Variants in IGDCC3 observed in about 807,000 individuals in gnomAD.
IGDCC3 encodes the protein immunoglobulin superfamily DCC subclass member 3.
IGDCC3 carries 47 observed loss-of-function variants against 72.0 expected under a neutral mutation model. The ratio of observed to expected loss-of-function variants is 0.65; its 90% CI spans 0.52 to 0.83. IGDCC3 has a LOEUF of 0.83. Ranked by LOEUF, IGDCC3 falls within the 40% of genes least tolerant of loss-of-function variation. The probability of loss-of-function intolerance (pLI) is 0.00; values close to 1 mark genes in which losing one functional copy is unlikely to be tolerated. For missense variants in IGDCC3, 1,038 were observed against 1,091.3 expected, an observed-to-expected ratio of 0.95 and a Z score of 0.69; for synonymous variants, 477 against 472.8, an observed-to-expected ratio of 1.01 and a Z score of -0.11.
intron 2 of IGDCC3, among the ~76,000 whole-genome samples, chr15:65,366,200 A>G (rs1229595139): frequency 8.0e-6 from 1 of 124,986 alleles, no homozygotes; most frequent in East Asian, 2.5e-4. Context: ...AGAGACAGAC[A>G]TTGTCTCAAA....
chr15:65,337,441 G>T (rs536059642), intron 2 of IGDCC3, among the ~76,000 whole-genome samples: 1 of 152,194 alleles, frequency 6.6e-6, no homozygotes, highest in African/African-American at 2.4e-5. Context: ...CTGGTTCTGT[G>T]CAGGTAATCA....
In IGDCC3 at chr15:65,339,554, G is replaced by A. The variant is rs573058509; in HGVS notation, c.410-3598C>T. Reference sequence around the variant, plus strand: ...TGTGTTTATGCCCTGGCTTGTGCCAGCAGGCCACAGAGCCGGGTGGACTGT... The same window carrying A: ...TGTGTTTATGCCCTGGCTTGTGCCAACAGGCCACAGAGCCGGGTGGACTGT... On this transcript the variant is annotated intron_variant, in intron 2 of 13. Coordinates refer to ENST00000327987, the MANE Select transcript of IGDCC3 (RefSeq NM_004884.4). The surrounding 1 kb of genome is among the most constrained non-coding windows in gnomAD (Gnocchi z 4.1). Among the ~76,000 whole-genome samples, 22 of 152,242 alleles carry A rather than the reference G, an allele frequency of 1.4e-4. No homozygotes were observed. The highest frequency in any genetic ancestry group is 2.5e-4 in the Non-Finnish European group (17 of 68,042).
At chr15:65,336,481 C>T (rs573919444) in intron 2 of IGDCC3, among the ~76,000 whole-genome samples, 3 of 151,898 alleles carry the variant, frequency 2.0e-5, no homozygotes, top group African/African-American at 7.2e-5. Flanking sequence ...GGACACTGGT[C>T]ATCAGGCCCT....
chr15:65,348,814 T>C (rs2091148412), intron 2 of IGDCC3, among the ~76,000 whole-genome samples: 1 of 152,214 alleles, frequency 6.6e-6, no homozygotes, highest in Admixed American at 6.5e-5. Flanking sequence ...CTCTTTGGAT[T>C]AAGCTGCTTT....
chr15:65,367,103 G>A (rs895699275), intron 2 of IGDCC3, among the ~76,000 whole-genome samples: 4 of 152,200 alleles, frequency 2.6e-5, no homozygotes, highest in African/African-American at 9.6e-5. Flanking sequence ...CAGCACTTTG[G>A]GAGGCCGAGG....
intron 1 of IGDCC3, among the ~76,000 whole-genome samples, chr15:65,375,710 A>C (rs2091354961): frequency 6.6e-6 from 1 of 152,218 alleles, no homozygotes. Flanking sequence ...TCTCACAGTC[A>C]GTAGTTGCAA....
chr15:65,377,720 C>T lies in IGDCC3; in HGVS notation c.69G>A (p.Pro23=), dbSNP rs1383286740. Residue 23 remains proline, a synonymous_variant, in exon 1 of 14, where the codon CCG becomes CCA. Transcript: ENST00000327987. The surrounding 1 kb of genome is among the most constrained non-coding windows in gnomAD (Gnocchi z 4.9). Reference sequence around the variant, plus strand: ...GCGCGGGCAGCAGCAGCAACAGCAGCGGCAGCAGGAGCCGGGGCCAGAGCG... The same window carrying T: ...GCGCGGGCAGCAGCAGCAACAGCAGTGGCAGCAGGAGCCGGGGCCAGAGCG... The part of the protein sequence containing the change: ...PAPLWPRLLL[P]LLLLLLPAPS... 2 of 1,381,850 alleles carry T rather than the reference C, an allele frequency of 1.4e-6. No homozygotes were observed. Among genetic ancestry groups the T allele is most frequent in the East Asian group, 3.1e-5 (1 of 32,346 alleles). The allele number at this position is 1,381,850 out of a possible 1,614,324, so 85.6% of individuals were successfully genotyped here.
chr15:65,374,702 C>A (rs988985539), intron 2 of IGDCC3, among the ~76,000 whole-genome samples: 1 of 152,106 alleles, frequency 6.6e-6, no homozygotes, highest in African/African-American at 2.4e-5. Flanking sequence ...GCCGAAATTA[C>A]CCTTCAAGAA....
intron 2 of IGDCC3, among the ~76,000 whole-genome samples, chr15:65,361,650 C>T (rs1173049083): frequency 1.8e-5 from 2 of 110,654 alleles, no homozygotes; most frequent in African/African-American, 7.6e-5. Flanking sequence ...TGAAAGGCCC[C>T]GCGTCCTGGA....
intron 2 of IGDCC3, among the ~76,000 whole-genome samples, chr15:65,346,344 C>T: frequency 6.6e-6 from 1 of 152,214 alleles, no homozygotes; most frequent in East Asian, 1.9e-4. Flanking sequence ...GTAGTCTAGC[C>T]CACTGGGTTG....
chr15:65,368,198 A>ACACACACC (rs2091300893), intron 2 of IGDCC3, among the ~76,000 whole-genome samples: 3 of 128,348 alleles, frequency 2.3e-5, no homozygotes, highest in African/African-American at 8.6e-5. Context: ...ACACACACAC[A>ACACACACC]CCAGCCTGCA....
intron 2 of IGDCC3, among the ~76,000 whole-genome samples, chr15:65,351,443 A>T (rs1265223250): frequency 6.6e-6 from 1 of 151,770 alleles, no homozygotes; most frequent in Non-Finnish European, 1.5e-5. Context: ...CTGAGGCAGG[A>T]GAATGGTGTG....
chr15:65,336,352 C>T (rs557449211), intron 2 of IGDCC3, among the ~76,000 whole-genome samples: 11 of 152,260 alleles, frequency 7.2e-5, no homozygotes, highest in African/African-American at 2.4e-4. Flanking sequence ...CTTTCAGATT[C>T]GTTTTTGTAA....
chr15:65,365,960 C>A (rs2091286326), intron 2 of IGDCC3, among the ~76,000 whole-genome samples: 1 of 152,128 alleles, frequency 6.6e-6, no homozygotes, highest in African/African-American at 2.4e-5. Flanking sequence ...GTAATCCCAG[C>A]ACTTTGGGAG....
Position 65,339,100 on chromosome 15 carries a change from G to A in IGDCC3, c.410-3144C>T, listed in dbSNP as rs1318505394. ...TAATTTCTTTTTTCTTTTTCTTTTT[G>A]AGACGGAATCTTGCTCTGTCACCCA... On this transcript the variant is annotated intron_variant, in intron 2 of 13. Transcript: ENST00000327987. This position sits in a 1 kb window ranked among gnomAD's most constrained non-coding sequence, Gnocchi z 4.1. Among the ~76,000 whole-genome samples the A allele has an allele frequency of 2.6e-5, 4 of 151,726 alleles. No individual in the cohort carries two copies. The highest frequency in any genetic ancestry group is 5.9e-5 in the Non-Finnish European group (4 of 67,928).
At chr15:65,338,170 C>T (rs2091047172) in intron 2 of IGDCC3, among the ~76,000 whole-genome samples, 1 of 152,218 alleles carries the variant, frequency 6.6e-6, no homozygotes, top group South Asian at 2.1e-4. Flanking sequence ...CGTCACTGTG[C>T]ATAGTGCGAC....
At chr15:65,366,667 G>T (rs1280805223) in intron 2 of IGDCC3, among the ~76,000 whole-genome samples, 2 of 152,200 alleles carry the variant, frequency 1.3e-5, no homozygotes, top group Non-Finnish European at 2.9e-5. Flanking sequence ...GCCTGAGTCA[G>T]GTGAGCCAGT....
At chr15:65,376,623 C>T (rs2140176246) in intron 1 of IGDCC3, among the ~76,000 whole-genome samples, 1 of 151,234 alleles carries the variant, frequency 6.6e-6, no homozygotes, top group Non-Finnish European at 1.5e-5. Flanking sequence ...CTCCCCCCGT[C>T]CCCGGCCCAG....
rs1303638622 is a variant in IGDCC3 at position 65,335,285 on chromosome 15, C to G, written c.685+6G>C. On this transcript the variant is annotated splice_donor_region_variant and intron_variant, in intron 4 of 13. Coordinates refer to ENST00000327987, the MANE Select transcript of IGDCC3 (RefSeq NM_004884.4). Reference sequence around the variant, plus strand: ...AGGTTGGGGGAAAGTGCTGAAGGACCCTCACCTGACACAGTGAGCCTGGCC... The same window carrying G: ...AGGTTGGGGGAAAGTGCTGAAGGACGCTCACCTGACACAGTGAGCCTGGCC... 1 of 1,604,864 alleles carries G rather than the reference C, an allele frequency of 6.2e-7. No homozygotes were observed. The highest frequency in any genetic ancestry group is 8.5e-7 in the Non-Finnish European group (1 of 1,175,284).
Sources: gnomAD v4.1 joint callset for allele counts (sites outside exome capture counted in the v4.1 genomes callset) on GRCh38, gnomAD v4.1.1 for gene constraint, Gnocchi (gnomAD v3.1) non-coding constraint, MANE v1.5 for transcripts, NCBI Gene and HGNC (gene_info 2026-07-23, HGNC 2026-07-21) for gene names.